The following FSTL5 variants were observed in gnomAD, a reference collection of about 807,000 sequenced individuals.
FSTL5 encodes follistatin-related protein 5.
A neutral mutation model predicts 89.1 loss-of-function variants in FSTL5; 62 were observed. The observed-to-expected ratio is 0.70, with a 90% confidence interval of 0.57 to 0.86. FSTL5 has a LOEUF of 0.86. FSTL5 is among the 40% of genes least tolerant of loss of function. The pLI is 0.00. For synonymous variants in FSTL5, 383 were observed against 346.2 expected, an observed-to-expected ratio of 1.11 and a Z score of -1.18; for missense variants, 1,057 against 1,001.6, an observed-to-expected ratio of 1.06 and a Z score of -0.75.
At chr4:161,447,595 A>G (rs1176143551) in intron 15 of FSTL5, among the ~76,000 whole-genome samples, 1 of 152,106 alleles carries the variant, frequency 6.6e-6, no homozygotes, top group African/African-American at 2.4e-5. Flanking sequence ...TTTTCTATCT[A>G]AGCATTTTAC....
intron 6 of FSTL5, among the ~76,000 whole-genome samples, chr4:161,674,924 G>T (rs1233395011): frequency 6.6e-6 from 1 of 152,084 alleles, no homozygotes; most frequent in Non-Finnish European, 1.5e-5. Context: ...CACTGGGGAT[G>T]GAGAACCTCT....
chr4:161,548,539 T>C (rs190229067), intron 8 of FSTL5, among the ~76,000 whole-genome samples: 99 of 151,968 alleles, frequency 6.5e-4, no homozygotes, highest in African/African-American at 2.2e-3. Context: ...CATGCTGAAC[T>C]TTTTATATTT....
chr4:161,652,522 T>C (rs1042497295), intron 7 of FSTL5, among the ~76,000 whole-genome samples: 3 of 152,114 alleles, frequency 2.0e-5, no homozygotes, highest in African/African-American at 7.2e-5. Flanking sequence ...GCCAGTGAGA[T>C]AATGAGGTAA....
intron 7 of FSTL5, among the ~76,000 whole-genome samples, chr4:161,654,079 G>A (rs1736427738): frequency 6.6e-6 from 1 of 151,996 alleles, no homozygotes; most frequent in Non-Finnish European, 1.5e-5. Context: ...TTATATTTAT[G>A]TATATTTTAG....
chr4:161,684,115 AT>A (rs1737620316), intron 6 of FSTL5, among the ~76,000 whole-genome samples: 1 of 152,138 alleles, frequency 6.6e-6, no homozygotes. Context: ...CATGGTACAC[AT>A]GTACACATGG....
At chr4:161,495,477 A>G (rs576983862) in intron 12 of FSTL5, 1 of 152,274 alleles carries the variant, frequency 6.6e-6, no homozygotes, top group African/African-American at 2.4e-5. Flanking sequence ...AATCATGTGT[A>G]CAACTAGGAT....
chr4:161,459,385 A>T (rs1733481022), intron 13 of FSTL5, 66 bp from the exon 14 acceptor site: 1 of 922,150 alleles, frequency 1.1e-6, no homozygotes, highest in African/African-American at 1.7e-5. Context: ...TAGGCCAGAA[A>T]TTATGAAGAT....
chr4:161,698,418 TAGG>T (rs1579030530), intron 6 of FSTL5, among the ~76,000 whole-genome samples: 3 of 152,136 alleles, frequency 2.0e-5, no homozygotes, highest in African/African-American at 7.2e-5. Context: ...TACAGTTAGA[TAGG>T]AGGAATAAGT....
chr4:162,052,337 C>T (rs1349903842), intron 2 of FSTL5, among the ~76,000 whole-genome samples: 1 of 151,476 alleles, frequency 6.6e-6, no homozygotes, highest in Non-Finnish European at 1.5e-5. Flanking sequence ...CCTTTGATGG[C>T]CGCACCCAAA....
At chr4:161,931,523 A>G (rs1314294965) in intron 3 of FSTL5, among the ~76,000 whole-genome samples, 3 of 151,924 alleles carry the variant, frequency 2.0e-5, no homozygotes, top group Non-Finnish European at 4.4e-5. Context: ...AGTAGACTCA[A>G]TATTCTTGTA....
At chr4:161,564,040 A>G (rs1437560075) in intron 8 of FSTL5, among the ~76,000 whole-genome samples, 1 of 151,966 alleles carries the variant, frequency 6.6e-6, no homozygotes, top group African/African-American at 2.4e-5. Context: ...CCTCATCCAC[A>G]TTGAAATTTA....
At chr4:161,553,427 A>G (rs72685753) in intron 8 of FSTL5, among the ~76,000 whole-genome samples, 11,235 of 151,426 alleles carry the variant, frequency 0.074, 536 homozygotes, top group Middle Eastern at 0.16. Context: ...GGTAAAGTAT[A>G]AAATTTGATT....
intron 15 of FSTL5, among the ~76,000 whole-genome samples, chr4:161,407,752 A>G (rs942868036): frequency 3.2e-5 from 4 of 126,548 alleles, no homozygotes; most frequent in Non-Finnish European, 7.2e-5. Context: ...CCACAGGCCC[A>G]CCTACCCTAC....
At chr4:161,596,757 A>G (rs918019777) in intron 7 of FSTL5, among the ~76,000 whole-genome samples, 5 of 152,172 alleles carry the variant, frequency 3.3e-5, no homozygotes, top group Non-Finnish European at 2.9e-5. Context: ...GGGTCTTAGG[A>G]ATATGGAAGT....
intron 7 of FSTL5, among the ~76,000 whole-genome samples, chr4:161,588,605 A>AC (rs1733700256): frequency 3.3e-5 from 5 of 152,178 alleles, no homozygotes; most frequent in African/African-American, 1.2e-4. Context: ...ATTCTGGCAA[A>AC]AATTGCCAAA....
intron 10 of FSTL5, among the ~76,000 whole-genome samples, chr4:161,524,836 T>C (rs1295883650): frequency 6.6e-6 from 1 of 151,754 alleles, no homozygotes; most frequent in Non-Finnish European, 1.5e-5. Context: ...CAGACGCCTG[T>C]AATACCAGCT....
intron 8 of FSTL5, among the ~76,000 whole-genome samples, chr4:161,555,504 T>C (rs1403429396): frequency 6.6e-6 from 1 of 151,598 alleles, no homozygotes; most frequent in Non-Finnish European, 1.5e-5. Flanking sequence ...TTAATGTATA[T>C]CTAATTTAGA....
At chr4:161,866,696 A>G (rs145431445) in intron 4 of FSTL5, among the ~76,000 whole-genome samples, 1 of 152,106 alleles carries the variant, frequency 6.6e-6, no homozygotes, top group African/African-American at 2.4e-5. Context: ...TATTCTGATT[A>G]AATTTAGCAA....
intron 10 of FSTL5, among the ~76,000 whole-genome samples, chr4:161,522,525 A>T (rs1425957505): frequency 6.6e-6 from 1 of 151,566 alleles, no homozygotes; most frequent in Non-Finnish European, 1.5e-5. Context: ...ATAAAAATAT[A>T]TTTTGCTAAT....
Sources: allele counts gnomAD v4.1 joint callset (sites outside exome capture counted in the v4.1 genomes callset), GRCh38; gene constraint gnomAD v4.1.1; transcripts MANE v1.5; gene names NCBI Gene and HGNC (gene_info 2026-07-23, HGNC 2026-07-21).